SLC4A1AP: variants seen among roughly 807,000 people sequenced by gnomAD.
SLC4A1AP encodes solute carrier family 4 member 1 adaptor protein, also known as kanadaptin.
In SLC4A1AP, 64 loss-of-function variants were observed where a neutral mutation model predicts 89.7. The ratio of observed to expected loss-of-function variants is 0.71; its 90% CI spans 0.58 to 0.88. The LOEUF (loss-of-function observed/expected upper bound fraction) is 0.88. Among genes scored for constraint, SLC4A1AP ranks in the 40% least tolerant of loss-of-function variants. The pLI is 0.00. For synonymous variants in SLC4A1AP, 366 were observed against 353.3 expected, an observed-to-expected ratio of 1.04 and a Z score of -0.40; for missense variants, 931 against 965.0, an observed-to-expected ratio of 0.96 and a Z score of 0.47.
intron 2 of SLC4A1AP, 118 bp downstream of exon 2, chr2:27,665,413 C>A: frequency 1.3e-6 from 1 of 766,528 alleles, no homozygotes; most frequent in Non-Finnish European, 2.0e-6. Flanking sequence ...ATAGGGCAAA[C>A]ACAATTTGCA....
At chr2:27,676,577 A>T (rs1003049262) in intron 6 of SLC4A1AP, among the ~76,000 whole-genome samples, 2 of 151,910 alleles carry the variant, frequency 1.3e-5, no homozygotes, top group Admixed American at 6.6e-5. Flanking sequence ...ATCCCAGCAC[A>T]TTGGGAGGCT....
exon 10 of SLC4A1AP, chr2:27,685,121 G>A (rs768495433): frequency 6.8e-6 from 11 of 1,613,838 alleles, no homozygotes; most frequent in Non-Finnish European, 9.3e-6. Flanking sequence ...GGAGGAAGAG[G>A]AAGAGGAAGA....
chr2:27,692,900 C>G (rs960206387), intron 12 of SLC4A1AP: 1 of 151,852 alleles, frequency 6.6e-6, no homozygotes, highest in African/African-American at 2.4e-5. Flanking sequence ...AAGTGAGTCT[C>G]TTGAAGATGG....
exon 7 of SLC4A1AP, chr2:27,677,345 A>T: frequency 1.2e-6 from 2 of 1,613,294 alleles, no homozygotes; most frequent in Non-Finnish European, 1.7e-6. Context: ...TTTCTGAGAG[A>T]TTGAAAGCCT....
chr2:27,671,340 C>G (rs537556323), intron 5 of SLC4A1AP, among the ~76,000 whole-genome samples: 3 of 152,320 alleles, frequency 2.0e-5, no homozygotes, highest in South Asian at 4.1e-4. Flanking sequence ...TATGCTTATG[C>G]AAATATTAGT....
At chr2:27,690,130 T>TA (rs1675766139) in intron 12 of SLC4A1AP, among the ~76,000 whole-genome samples, 1 of 152,192 alleles carries the variant, frequency 6.6e-6, no homozygotes, top group Non-Finnish European at 1.5e-5. Flanking sequence ...CAATAGTTCT[T>TA]AGAGTTAAAA....
intron 10 of SLC4A1AP, among the ~76,000 whole-genome samples, chr2:27,686,330 C>T (rs1468484833): frequency 6.6e-6 from 1 of 152,086 alleles, no homozygotes; most frequent in Non-Finnish European, 1.5e-5. Flanking sequence ...GGTCTTTGGG[C>T]CATATATTGT....
exon 2 of SLC4A1AP, chr2:27,665,264 A>G: frequency 1.9e-6 from 3 of 1,611,496 alleles, no homozygotes; most frequent in Middle Eastern, 1.7e-4. Flanking sequence ...CTGGTAGCCA[A>G]GATGATGAGA....
intron 13 of SLC4A1AP, 51 bp from the exon 14 acceptor site, chr2:27,694,583 C>A: frequency 7.3e-7 from 1 of 1,372,952 alleles, no homozygotes; most frequent in Non-Finnish European, 1.0e-6. Context: ...CTTTTCTCTC[C>A]TGACTTTGGA....
chr2:27,678,411 T>C (rs916819161), intron 8 of SLC4A1AP, among the ~76,000 whole-genome samples: 3 of 152,038 alleles, frequency 2.0e-5, no homozygotes. Context: ...AGCACACCTG[T>C]GGTCCCAGCT....
intron 10 of SLC4A1AP, among the ~76,000 whole-genome samples, chr2:27,686,720 A>AT (rs1462476689): frequency 6.6e-6 from 1 of 152,170 alleles, no homozygotes; most frequent in Non-Finnish European, 1.5e-5. Context: ...GTTGCAGTGA[A>AT]TTGAGATCAT....
chr2:27,688,124 C>A, intron 11 of SLC4A1AP, 104 bp downstream of exon 11: 1 of 862,596 alleles, frequency 1.2e-6, no homozygotes, highest in Non-Finnish European at 1.8e-6. Flanking sequence ...AGAGAATGGT[C>A]CTTTAGTTAT....
intron 5 of SLC4A1AP, among the ~76,000 whole-genome samples, chr2:27,670,110 G>C (rs1316296516): frequency 6.6e-6 from 1 of 152,126 alleles, no homozygotes; most frequent in Non-Finnish European, 1.5e-5. Flanking sequence ...TGATCCACCT[G>C]CCTCGGCCTC....
chr2:27,668,611 G>A lies in SLC4A1AP; in HGVS notation c.1145-232G>A, dbSNP rs1422369108. ...ACAAAAGTCACGTACCATCATGCCC[G>A]GCTAATTTCTGTATTTTTTGTACAG... On this transcript the variant is annotated intron_variant, in intron 3 of 13. Transcript: ENST00000613058. 5.7e-5 allele frequency: 38 copies of A among 666,370 alleles called. No homozygotes were observed. In the East Asian group the frequency reaches 7.9e-4, roughly 14 times the overall value. The allele number at this position is 666,370 out of a possible 1,614,324, so 41.3% of individuals were successfully genotyped here.
chr2:27,672,246 A>G (rs1675437131), intron 5 of SLC4A1AP, among the ~76,000 whole-genome samples: 1 of 152,128 alleles, frequency 6.6e-6, no homozygotes, highest in African/African-American at 2.4e-5. Flanking sequence ...TCTGTTTTCT[A>G]TGGAATTTTA....
intron 11 of SLC4A1AP, 29 bp from the exon 12 acceptor site, chr2:27,688,671 C>G (rs757094663): frequency 4.7e-6 from 7 of 1,484,798 alleles, no homozygotes; most frequent in Admixed American, 4.0e-5. Flanking sequence ...CTGAAAATAG[C>G]TATTGCCAGT....
intron 12 of SLC4A1AP, among the ~76,000 whole-genome samples, chr2:27,689,858 C>A (rs1322317336): frequency 6.6e-6 from 1 of 152,230 alleles, no homozygotes; most frequent in African/African-American, 2.4e-5. Context: ...CAGCCTTGCT[C>A]TGTTAACTTT....
intron 12 of SLC4A1AP, among the ~76,000 whole-genome samples, chr2:27,689,309 TC>T (rs1232426563): frequency 2.0e-5 from 3 of 152,138 alleles, no homozygotes; most frequent in African/African-American, 4.8e-5. Context: ...TATAGTAAGC[TC>T]CCAGAAGTGC....
In SLC4A1AP at chr2:27,663,974, C is replaced by A. The variant is rs1164020187; in HGVS notation, c.222C>A (p.Phe74Leu). The change falls in exon 1 of 14, where the codon TTC (phenylalanine) becomes TTA (leucine). Residue 74 changes from phenylalanine to leucine, a missense_variant. Physicochemically the swap from Phe to Leu is conservative, Grantham distance 22. Coordinates refer to ENST00000613058, the Ensembl canonical transcript of SLC4A1AP. ...CGTCGCAAGACCTCAGTGGGGACTTCAAGAAGCCAGCTCTGCCGGTGTCCC... is the reference window on the plus strand; with the variant it reads ...CGTCGCAAGACCTCAGTGGGGACTTAAAGAAGCCAGCTCTGCCGGTGTCCC... The A allele has an allele frequency of 3.1e-6, 5 of 1,614,240 alleles. No homozygotes were observed. In the East Asian group the frequency reaches 1.1e-4, roughly 36 times the overall value.
Sources: allele counts gnomAD v4.1 joint callset (sites outside exome capture counted in the v4.1 genomes callset), GRCh38; gene constraint gnomAD v4.1.1; transcripts MANE v1.5; gene names NCBI Gene and HGNC (gene_info 2026-07-23, HGNC 2026-07-21).